Variants in GLG1 observed in about 807,000 individuals in gnomAD.
GLG1 encodes the protein Golgi apparatus protein 1.
GLG1 carries 38 observed loss-of-function variants against 160.5 expected under a neutral mutation model. That is an observed-to-expected ratio of 0.24 (90% CI 0.18 to 0.31). The LOEUF is 0.31. Among genes scored for constraint, GLG1 ranks in the 10% least tolerant of loss-of-function variants. The probability of loss-of-function intolerance (pLI) is 1.00; values close to 1 mark genes in which losing one functional copy is unlikely to be tolerated. For missense variants in GLG1, 1,373 were observed against 1,505.2 expected, an observed-to-expected ratio of 0.91 and a Z score of 1.45; for synonymous variants, 644 against 543.4, an observed-to-expected ratio of 1.19 and a Z score of -2.57.
intron 2 of GLG1, among the ~76,000 whole-genome samples, chr16:74,522,009 G>A (rs189454005): frequency 5.3e-5 from 8 of 152,308 alleles, no homozygotes; most frequent in South Asian, 2.1e-4. Context: ...ACGGCATCCC[G>A]ATTGGGCATT....
In GLG1 at chr16:74,452,032, G is replaced by A; in HGVS notation, c.*1135C>T. On this transcript the variant is annotated 3_prime_UTR_variant, in exon 26 of 26. Coordinates refer to ENST00000422840, the MANE Select transcript of GLG1 (RefSeq NM_001145667.2). ...AGGCACAAAGGAGCTTGTCTGGGAA[G>A]TTTGTCTGGAGTGTGCAGAAAGGTC... 4 of 1,560,034 alleles carry A rather than the reference G, an allele frequency of 2.6e-6. No individual in the cohort carries two copies. The highest frequency in any genetic ancestry group is 3.5e-6 in the Non-Finnish European group (4 of 1,130,614).
chr16:74,533,008 A>G (rs147207092), intron 1 of GLG1, among the ~76,000 whole-genome samples: 2,088 of 152,324 alleles, frequency 0.014, 34 homozygotes, highest in Non-Finnish European at 0.018. Flanking sequence ...GTAAAGCCAG[A>G]TACACATACC....
intron 11 of GLG1, among the ~76,000 whole-genome samples, chr16:74,478,678 G>A (rs999676367): frequency 6.6e-6 from 1 of 151,792 alleles, no homozygotes; most frequent in African/African-American, 2.4e-5. Flanking sequence ...TTGGGAGGCT[G>A]AGGCGGGCAG....
chr16:74,475,011 C>G (rs1217411671), intron 12 of GLG1, among the ~76,000 whole-genome samples: 1 of 151,676 alleles, frequency 6.6e-6, no homozygotes, highest in African/African-American at 2.4e-5. Context: ...ACAAAAATTA[C>G]CCGGGTGTGG....
intron 1 of GLG1, among the ~76,000 whole-genome samples, chr16:74,548,650 TCAA>T (rs1034523696): frequency 9.9e-5 from 10 of 100,992 alleles, no homozygotes; most frequent in South Asian, 4.3e-4. Context: ...AATTTAAATC[TCAA>T]TTCTCTAAAA....
At position 74,606,856 on chromosome 16, in the gene GLG1, T is replaced by G. The variant is rs377766887; in HGVS notation, c.239A>C (p.Gln80Pro). The G allele has an allele frequency of 6.6e-4, 1,045 of 1,594,046 alleles. 7 individuals carry two copies. In the East Asian group the frequency reaches 0.021, roughly 32 times the overall value. The change falls in exon 1 of 26, where the codon CAA (glutamine) becomes CCA (proline). Residue 80 changes from glutamine (Q) to proline (P), a missense_variant. Physicochemically the swap from Gln to Pro is moderately conservative, Grantham distance 76. This residue lies in a region of GLG1 where 322 missense variants were observed against 254.6 expected (regional missense o/e 1.26). Transcript: ENST00000422840. The stretch of plus-strand genomic sequence containing the variant: ...CGGCGGCTGAGGCTGCTGTTGCTGT[T>G]GCTGCTGCTGCTGTTGCTGCTGAAG... ...SQLQQQQQQQ[Q>P]QQQQPQPPQP...
At chr16:74,494,470 G>A (rs7195020) in intron 6 of GLG1, among the ~76,000 whole-genome samples, 97,323 of 144,738 alleles carry the variant, frequency 0.67, 32,773 homozygotes, top group East Asian at 0.81. Context: ...GCAGTGGTGC[G>A]ATCTCAGCTC....
chr16:74,513,056 G>C (rs1412381561), intron 2 of GLG1, among the ~76,000 whole-genome samples: 1 of 152,202 alleles, frequency 6.6e-6, no homozygotes, highest in Non-Finnish European at 1.5e-5. Flanking sequence ...TGAAAGATGA[G>C]ATGGGGCGCA....
At chr16:74,457,743 G>T (rs554764173) in intron 24 of GLG1, 131 bp downstream of exon 24, 443 of 739,036 alleles carry the variant, frequency 6.0e-4, no homozygotes, top group Non-Finnish European at 8.4e-4. Flanking sequence ...GGTCCCCAGG[G>T]AATGTTGTCT....
intron 9 of GLG1, 78 bp downstream of exon 9, chr16:74,485,718 A>G: frequency 7.2e-7 from 1 of 1,381,988 alleles, no homozygotes; most frequent in Non-Finnish European, 9.9e-7. Flanking sequence ...CAACCACCCA[A>G]AAGTCATTTG....
chr16:74,582,198 C>T (rs1390424133), intron 1 of GLG1, among the ~76,000 whole-genome samples: 1 of 152,084 alleles, frequency 6.6e-6, no homozygotes, highest in African/African-American at 2.4e-5. Context: ...CAGACTTCCG[C>T]TCTTATTGCC....
chr16:74,487,102 T>A (rs2015821072), intron 8 of GLG1, among the ~76,000 whole-genome samples: 1 of 152,110 alleles, frequency 6.6e-6, no homozygotes, highest in African/African-American at 2.4e-5. Context: ...TTAGTGGGGA[T>A]GAGGTTTCGC....
chr16:74,477,691 C>T (rs563120760), intron 11 of GLG1, among the ~76,000 whole-genome samples, 158 bp from the exon 12 acceptor site: 12 of 152,188 alleles, frequency 7.9e-5, no homozygotes, highest in East Asian at 1.9e-4. Flanking sequence ...TTAAATGTTG[C>T]GGCCAGGTGC....
intron 3 of GLG1, among the ~76,000 whole-genome samples, chr16:74,507,000 G>C (rs2016636324): frequency 1.3e-5 from 2 of 152,272 alleles, no homozygotes; most frequent in South Asian, 4.1e-4. Flanking sequence ...CTCAATCCTG[G>C]AGATTAAGTT....
intron 1 of GLG1, among the ~76,000 whole-genome samples, chr16:74,577,010 T>C (rs1377804833): frequency 6.6e-6 from 1 of 152,022 alleles, no homozygotes; most frequent in African/African-American, 2.4e-5. Context: ...CAGCCTCAAC[T>C]TCTTGGGCTC....
chr16:74,503,114 G>A (rs2016470033), intron 4 of GLG1, among the ~76,000 whole-genome samples: 1 of 151,918 alleles, frequency 6.6e-6, no homozygotes, highest in East Asian at 2.0e-4. Flanking sequence ...GGCTGAGGCA[G>A]GAGAATCACT....
At chr16:74,498,448 G>GTATATATATATACATATATA (rs2016282073) in intron 4 of GLG1, among the ~76,000 whole-genome samples, 1 of 24,038 alleles carries the variant, frequency 4.2e-5, no homozygotes, top group Non-Finnish European at 7.7e-5. Flanking sequence ...AAAAAAAAAA[G>GTATATATATATACATATATA]TATATATATA....
At chr16:74,538,927 G>C (rs1191265061) in intron 1 of GLG1, among the ~76,000 whole-genome samples, 3 of 151,438 alleles carry the variant, frequency 2.0e-5, no homozygotes, top group Non-Finnish European at 4.4e-5. Context: ...TTTCATGGAG[G>C]GTACATTTGA....
At chr16:74,496,710 G>C in intron 4 of GLG1, 66 bp from the exon 5 acceptor site, 3 of 723,316 alleles carry the variant, frequency 4.1e-6, no homozygotes, top group Non-Finnish European at 7.2e-6. Context: ...AACAACATTT[G>C]GCTACACACA....
Sources: gnomAD v4.1 joint callset for allele counts (sites outside exome capture counted in the v4.1 genomes callset) on GRCh38, gnomAD v4.1.1 for gene constraint, gnomAD v4.1.1 regional missense constraint, MANE v1.5 for transcripts, NCBI Gene and HGNC (gene_info 2026-07-23, HGNC 2026-07-21) for gene names.